Variants in INPP4B observed in about 807,000 individuals in gnomAD.
INPP4B encodes inositol polyphosphate 4-phosphatase type II.
A neutral mutation model predicts 122.5 loss-of-function variants in INPP4B; 55 were observed. The ratio of observed to expected loss-of-function variants is 0.45; its 90% CI spans 0.36 to 0.56. INPP4B has a LOEUF of 0.56. Ranked by LOEUF, INPP4B falls within the 20% of genes least tolerant of loss-of-function variation. The pLI is 0.00. For synonymous variants in INPP4B, 403 were observed against 388.7 expected (o/e 1.04, Z -0.43); for missense variants, 1,000 against 1,097.7 (o/e 0.91, Z 1.26).
At chr4:142,624,431 T>C (rs1333810196) in intron 2 of INPP4B, among the ~76,000 whole-genome samples, 2 of 151,946 alleles carry the variant, frequency 1.3e-5, no homozygotes, top group Admixed American at 6.6e-5. Flanking sequence ...TTTTTTCTTG[T>C]AAATTTGTTT....
chr4:142,462,825 C>T (rs995374385), intron 2 of INPP4B, 99 bp from the exon 3 acceptor site: 1 of 152,148 alleles, frequency 6.6e-6, no homozygotes, highest in Non-Finnish European at 1.5e-5. Flanking sequence ...GCTTATAATG[C>T]CCATCATTCA....
At chr4:142,247,227 T>G (rs1392001312) in intron 11 of INPP4B, among the ~76,000 whole-genome samples, 1 of 152,214 alleles carries the variant, frequency 6.6e-6, no homozygotes, top group Non-Finnish European at 1.5e-5. Flanking sequence ...CGCATCAATA[T>G]TCATCAGGGA....
chr4:142,511,350 C>T (rs1381613846), intron 2 of INPP4B, among the ~76,000 whole-genome samples: 1 of 152,124 alleles, frequency 6.6e-6, no homozygotes, highest in Non-Finnish European at 1.5e-5. Context: ...ACAGAAGCTA[C>T]AGAATTACCC....
chr4:142,647,971 CTT>C (rs1752155076), intron 2 of INPP4B, among the ~76,000 whole-genome samples: 1 of 152,346 alleles, frequency 6.6e-6, no homozygotes, highest in Admixed American at 6.5e-5. Flanking sequence ...TTTTCGTTCT[CTT>C]TCTCTTTTCC....
At chr4:142,507,400 G>A (rs566225916) in intron 2 of INPP4B, among the ~76,000 whole-genome samples, 32 of 152,084 alleles carry the variant, frequency 2.1e-4, no homozygotes, top group Non-Finnish European at 4.0e-4. Context: ...TCCAGAAAAC[G>A]TCTCCTGGGC....
intron 2 of INPP4B, among the ~76,000 whole-genome samples, chr4:142,501,107 C>T (rs1823315986): frequency 6.6e-6 from 1 of 152,084 alleles, no homozygotes; most frequent in Non-Finnish European, 1.5e-5. Context: ...AGGGTGAGTG[C>T]CTAACTTCCG....
chr4:142,099,266 T>C (rs1179313696), intron 23 of INPP4B, among the ~76,000 whole-genome samples: 5 of 152,298 alleles, frequency 3.3e-5, no homozygotes, highest in Non-Finnish European at 5.9e-5. Context: ...CAGTATAACA[T>C]AATATTCCTC....
chr4:142,732,668 T>C (rs1222401438), intron 1 of INPP4B, among the ~76,000 whole-genome samples: 1 of 152,054 alleles, frequency 6.6e-6, no homozygotes, highest in Non-Finnish European at 1.5e-5. Context: ...CAAAATAGTA[T>C]TTAAAGGAAA....
In INPP4B at chr4:142,240,773, G is replaced by A. The variant is rs1858966896; in HGVS notation, c.689-2762C>T. ...TACCTCCTATGTATCATAAAATACAGTATAACAGAGTATTATTTTTTAAAT... is the reference window on the plus strand; with the variant it reads ...TACCTCCTATGTATCATAAAATACAATATAACAGAGTATTATTTTTTAAAT... On this transcript the variant is annotated intron_variant, in intron 11 of 25. Transcript: ENST00000262992. 3.9e-5 allele frequency among the ~76,000 whole-genome samples: 6 copies of A among 152,052 alleles called. No individual in the cohort carries two copies. The South Asian group carries it at 1.2e-3, about 32-fold the overall frequency.
chr4:142,095,262 C>T (rs1781331600), intron 23 of INPP4B, among the ~76,000 whole-genome samples: 1 of 152,002 alleles, frequency 6.6e-6, no homozygotes. Context: ...AAAGACGTTG[C>T]AGTTGTGGTT....
chr4:142,150,346 G>A lies in INPP4B; in HGVS notation c.1564-4350C>T, dbSNP rs1813171890. ...CTGCTTAGCTCCCTGCCACATGAGA[G>A]GATTAAAAACAACCACTACCACCTA... On this transcript the variant is annotated intron_variant, in intron 17 of 25. Transcript: ENST00000262992. Among the ~76,000 whole-genome samples the A allele has an allele frequency of 1.3e-5, 2 of 152,148 alleles. 1 individual carries two copies. Among genetic ancestry groups the A allele is most frequent in the Non-Finnish European group, 2.9e-5 (2 of 68,040 alleles).
At chr4:142,602,692 A>G (rs1375198663) in intron 2 of INPP4B, among the ~76,000 whole-genome samples, 50 of 152,210 alleles carry the variant, frequency 3.3e-4, no homozygotes, top group Admixed American at 3.3e-3. Context: ...CAGAATGGCT[A>G]TGATTAAAAA....
At chr4:142,562,051 G>A (rs551907778) in intron 2 of INPP4B, among the ~76,000 whole-genome samples, 6 of 152,036 alleles carry the variant, frequency 3.9e-5, no homozygotes, top group East Asian at 3.9e-4. Flanking sequence ...GAGGAAAAGC[G>A]AAATTTTATA....
intron 1 of INPP4B, chr4:142,795,213 T>C (rs1303088967): frequency 6.6e-6 from 1 of 151,794 alleles, no homozygotes; most frequent in Non-Finnish European, 1.5e-5. Flanking sequence ...TTTAAATGCA[T>C]GAAAAACCAA....
chr4:142,319,167 T>G (rs907078694), intron 7 of INPP4B, among the ~76,000 whole-genome samples: 17 of 152,172 alleles, frequency 1.1e-4, no homozygotes, highest in Admixed American at 1.1e-3. Flanking sequence ...CTGGACCTCA[T>G]GCAAGTGCAT....
chr4:142,488,003 T>C (rs149831608), intron 2 of INPP4B, among the ~76,000 whole-genome samples: 48 of 152,252 alleles, frequency 3.2e-4, no homozygotes, highest in African/African-American at 1.1e-3. Context: ...CTGGAAAATA[T>C]TCAAAATTTC....
chr4:142,503,215 A>T (rs1823610825), intron 2 of INPP4B, among the ~76,000 whole-genome samples: 1 of 152,182 alleles, frequency 6.6e-6, no homozygotes, highest in Non-Finnish European at 1.5e-5. Flanking sequence ...AAAATGAGGG[A>T]AGATGAATCA....
In INPP4B at chr4:142,806,848, A is replaced by AAAGG. The variant is rs1048921610; in HGVS notation, c.-254+39357_-254+39360dup. Among the ~76,000 whole-genome samples, 169 of 148,676 alleles carry AAAGG rather than the reference A, an allele frequency of 1.1e-3. 2 individuals carry two copies. The highest frequency in any genetic ancestry group is 4.0e-3 in the African/African-American group (156 of 38,728). On this transcript the variant is annotated intron_variant, in intron 1 of 25. Coordinates refer to ENST00000262992, the MANE Select transcript of INPP4B (RefSeq NM_001101669.3). ...GAAAGAAAGAAAGAAAGAAAGAAAG[A>AAAGG]AAGGAGAAGAAAAAGAAACAAGCTA...
intron 5 of INPP4B, among the ~76,000 whole-genome samples, chr4:142,406,322 C>T (rs1803359597): frequency 6.6e-6 from 1 of 152,120 alleles, no homozygotes; most frequent in South Asian, 2.1e-4. Context: ...TATACCATCC[C>T]TACCCCACTT....
Sources: allele counts gnomAD v4.1 joint callset (sites outside exome capture counted in the v4.1 genomes callset), GRCh38; gene constraint gnomAD v4.1.1; transcripts MANE v1.5; gene names NCBI Gene and HGNC (gene_info 2026-07-23, HGNC 2026-07-21).